VWA3B: variants seen among roughly 807,000 people sequenced by gnomAD.
The protein encoded by VWA3B is von Willebrand factor A domain-containing protein 3B.
VWA3B carries 138 observed loss-of-function variants against 158.3 expected under a neutral mutation model. The observed-to-expected ratio is 0.87, with a 90% confidence interval of 0.76 to 1.00. VWA3B has a LOEUF of 1.00. Ranked by LOEUF, VWA3B falls within the 50% of genes least tolerant of loss-of-function variation. VWA3B has a pLI of 0.00. For missense variants in VWA3B, 1,555 were observed against 1,565.1 expected, an observed-to-expected ratio of 0.99 and a Z score of 0.11; for synonymous variants, 596 against 587.3, an observed-to-expected ratio of 1.01 and a Z score of -0.21.
At chr2:98,296,937 G>GTA (rs1172002045) in intron 23 of VWA3B, among the ~76,000 whole-genome samples, 2 of 150,708 alleles carry the variant, frequency 1.3e-5, no homozygotes, top group African/African-American at 4.9e-5. Context: ...ATGTTTGTGT[G>GTA]TATATATATT....
Position 98,125,418 on chromosome 2 carries a change from G to A in VWA3B, c.703-2821G>A, listed in dbSNP as rs1184473094. Among the ~76,000 whole-genome samples the A allele has an allele frequency of 6.6e-6, 1 of 152,220 alleles. No individual in the cohort carries two copies. Among genetic ancestry groups the A allele is most frequent in the Non-Finnish European group, 1.5e-5 (1 of 68,046 alleles). ...AGCAAGGGCAGGGCTTGTGGGGCCA[G>A]GCAGCCTAGGCTTACCAGCTTCAAG... On this transcript the variant is annotated intron_variant, in intron 5 of 27. Coordinates refer to ENST00000477737, the MANE Select transcript of VWA3B (RefSeq NM_144992.5). This position sits in a 1 kb window ranked among gnomAD's most constrained non-coding sequence, Gnocchi z 4.1.
At position 98,216,991 on chromosome 2, in the gene VWA3B, G is replaced by A. The variant is rs769650041; in HGVS notation, c.1837-855G>A. Reference sequence around the variant, plus strand: ...GTGTATCATTGTAAGCACCCGCCCCGCACCCAGTCTCAGGTGGTCCCTTCA... The same window carrying A: ...GTGTATCATTGTAAGCACCCGCCCCACACCCAGTCTCAGGTGGTCCCTTCA... On this transcript the variant is annotated intron_variant, in intron 13 of 27. Transcript: ENST00000477737. 3.1e-3 allele frequency: 1,860 copies of A among 604,042 alleles called. 7 individuals carry two copies. The highest frequency in any genetic ancestry group is 4.0e-3 in the Non-Finnish European group (1,785 of 450,132). 37.4% of individuals were successfully genotyped at this position (604,042 alleles called of 1,614,324 possible). A position where few individuals can be genotyped will look rare whatever the true frequency, so the allele number is the denominator to read the frequency against.
At chr2:98,304,356 G>C (rs947239952) in intron 26 of VWA3B, among the ~76,000 whole-genome samples, 4 of 152,160 alleles carry the variant, frequency 2.6e-5, no homozygotes, top group African/African-American at 9.7e-5. Context: ...TGGGGCCAAC[G>C]AGGGGCATCA....
intron 23 of VWA3B, among the ~76,000 whole-genome samples, chr2:98,297,105 T>C (rs2105971562): frequency 6.6e-6 from 1 of 151,160 alleles, no homozygotes; most frequent in Non-Finnish European, 1.5e-5. Context: ...TTTTGAGACA[T>C]AATTTTGCTT....
rs764216261 is a variant in VWA3B, at chr2:98,182,051, G to T, written c.1311+839G>T. 3.9e-5 allele frequency among the ~76,000 whole-genome samples: 6 copies of T among 152,240 alleles called. No individual in the cohort carries two copies. The East Asian group carries it at 1.2e-3, about 29-fold the overall frequency. On this transcript the variant is annotated intron_variant, in intron 9 of 27. Transcript: ENST00000477737. ...GGCAGATTTGCAAAACCAAAGGCAG[G>T]CTCTTTCAGGAGGTGGCAAAGTTCC...
At chr2:98,174,576 G>A (rs75548164) in intron 8 of VWA3B, among the ~76,000 whole-genome samples, 298 of 152,264 alleles carry the variant, frequency 2.0e-3, no homozygotes, top group African/African-American at 6.9e-3. Context: ...TAACAGTCAG[G>A]ACAAACAAGA....
At chr2:98,285,442 A>T (rs2105932063) in intron 22 of VWA3B, among the ~76,000 whole-genome samples, 1 of 152,096 alleles carries the variant, frequency 6.6e-6, no homozygotes, top group South Asian at 2.1e-4. Flanking sequence ...ATTTCTCTTG[A>T]TGAGGTATAT....
chr2:98,110,306 G>C (rs1356643597), intron 2 of VWA3B, among the ~76,000 whole-genome samples: 1 of 151,816 alleles, frequency 6.6e-6, no homozygotes, highest in Non-Finnish European at 1.5e-5. Context: ...TTCATCCATT[G>C]AGTTTTTAAT....
chr2:98,288,745 G>A (rs1047724192), intron 22 of VWA3B, among the ~76,000 whole-genome samples: 6 of 151,936 alleles, frequency 3.9e-5, no homozygotes, highest in South Asian at 2.1e-4. Flanking sequence ...GGATATTTAC[G>A]TTATCTTTTA....
intron 21 of VWA3B, among the ~76,000 whole-genome samples, chr2:98,261,258 T>A (rs116810424): frequency 0.014 from 2,146 of 151,916 alleles, 54 homozygotes; most frequent in African/African-American, 0.049. Flanking sequence ...CTTGTTTGAA[T>A]TGATATGAAG....
chr2:98,187,820 C>T (rs1030807923), intron 9 of VWA3B, among the ~76,000 whole-genome samples, 155 bp from the exon 10 acceptor site: 1 of 152,002 alleles, frequency 6.6e-6, no homozygotes, highest in African/African-American at 2.4e-5. Context: ...AGGAAGCGGG[C>T]AGCGGAACAT....
At chr2:98,234,791 G>A in intron 17 of VWA3B, 24 bp downstream of exon 17, 3 of 1,613,876 alleles carry the variant, frequency 1.9e-6, no homozygotes, top group Non-Finnish European at 1.7e-6. Context: ...CATCTCTGTG[G>A]CCAACCAGCC....
chr2:98,163,161 ATG>A (rs148830268), intron 8 of VWA3B, among the ~76,000 whole-genome samples, 185 bp downstream of exon 8: 3,635 of 151,460 alleles, frequency 0.024, 154 homozygotes, highest in African/African-American at 0.082. Flanking sequence ...ATGCATGGAC[ATG>A]TGTGTGTGTG....
chr2:98,248,724 G>A (rs965365134), intron 19 of VWA3B, among the ~76,000 whole-genome samples: 4 of 152,050 alleles, frequency 2.6e-5, no homozygotes, highest in African/African-American at 9.7e-5. Flanking sequence ...CAAGCCTACA[G>A]CTTCAACAAC....
intron 22 of VWA3B, among the ~76,000 whole-genome samples, chr2:98,274,882 C>T (rs1688426128): frequency 6.6e-6 from 1 of 152,154 alleles, no homozygotes; most frequent in African/African-American, 2.4e-5. Flanking sequence ...GAAAGTAGGC[C>T]ATGTGGGGCA....
At chr2:98,240,787 A>C (rs1316861059) in intron 19 of VWA3B, among the ~76,000 whole-genome samples, 1 of 152,182 alleles carries the variant, frequency 6.6e-6, no homozygotes, top group Non-Finnish European at 1.5e-5. Context: ...GATGTATGTG[A>C]TATATCCATA....
rs1558659680 is a variant in VWA3B, at chr2:98,194,432, AC to A, written c.1678del (p.Ala561LeufsTer18). 1 of 1,614,188 alleles carries A rather than the reference AC, an allele frequency of 6.2e-7. No individual in the cohort carries two copies. Among genetic ancestry groups the A allele is most frequent in the East Asian group, 2.2e-5 (1 of 44,872 alleles). ...GTCAAGCAGTTGCTTGGCGGGAACA[AC>A]TTGCTGAAGTCAATGAAGATAATTT... is the stretch of plus-strand genomic sequence containing the variant. ...DGQAVAWREQ[L>X]AEVNEDNLEQ... On this transcript the variant is annotated frameshift_variant, in exon 12 of 28. Transcript: ENST00000477737. LOFTEE classifies it high-confidence loss of function.
In VWA3B at chr2:98,212,015, G is replaced by A; in HGVS notation, c.1823G>A (p.Gly608Glu). The change falls in exon 13 of 28, where the codon GGG becomes GAG. Residue 608 changes from glycine (G) to glutamate (E), a missense_variant. Physicochemically the swap from Gly to Glu is moderately conservative, Grantham distance 98. Coordinates refer to ENST00000477737, the MANE Select transcript of VWA3B (RefSeq NM_144992.5). The stretch of plus-strand genomic sequence containing the variant: ...CAGGCAATCTACCTTCTGACCGATG[G>A]GAGACCTGATCAGGTACTTACCAGA... Reference protein sequence around the residue: ...ETQAIYLLTDGRPDQPPETVI... With the variant: ...ETQAIYLLTDERPDQPPETVI... The A allele has an allele frequency of 6.2e-7, 1 of 1,614,008 alleles. No individual in the cohort carries two copies. Among genetic ancestry groups the A allele is most frequent in the Non-Finnish European group, 8.5e-7 (1 of 1,179,942 alleles).
chr2:98,302,469 C>T (rs189532564), intron 25 of VWA3B, among the ~76,000 whole-genome samples: 2 of 152,278 alleles, frequency 1.3e-5, no homozygotes, highest in East Asian at 3.9e-4. Flanking sequence ...TTTTGATGGA[C>T]GACTTAACAT....
Sources: gnomAD v4.1 joint callset for allele counts (sites outside exome capture counted in the v4.1 genomes callset) on GRCh38, gnomAD v4.1.1 for gene constraint, Gnocchi (gnomAD v3.1) non-coding constraint, MANE v1.5 for transcripts, NCBI Gene and HGNC (gene_info 2026-07-23, HGNC 2026-07-21) for gene names.